Variants in CFAP69 observed in about 807,000 individuals in gnomAD.
CFAP69 encodes cilia and flagella associated protein 69.
CFAP69 carries 92 observed loss-of-function variants against 123.0 expected under a neutral mutation model. That is an observed-to-expected ratio of 0.75 (90% confidence interval 0.63 to 0.89). CFAP69 has a LOEUF of 0.89. CFAP69 is among the 40% of genes least tolerant of loss of function. CFAP69 has a pLI of 0.00. For missense variants in CFAP69, 1,067 were observed against 1,096.9 expected (o/e 0.97, Z 0.39); for synonymous variants, 380 against 364.3 (o/e 1.04, Z -0.49).
At chr7:90,300,277 G>A (rs1792597692) in intron 17 of CFAP69, 3 of 948,564 alleles carry the variant, frequency 3.2e-6, no homozygotes, top group Non-Finnish European at 3.8e-6. Context: ...TTAAGAAATG[G>A]TATTTAATTA....
chr7:90,308,482 ATC>A (rs1305335657), intron 21 of CFAP69, among the ~76,000 whole-genome samples: 1 of 152,094 alleles, frequency 6.6e-6, no homozygotes, highest in Non-Finnish European at 1.5e-5. Context: ...TTTTTAAAAA[ATC>A]TCTCCTTCAT....
At chr7:90,274,533 G>C (rs1046462605) in intron 9 of CFAP69, among the ~76,000 whole-genome samples, 1 of 152,084 alleles carries the variant, frequency 6.6e-6, no homozygotes, top group Non-Finnish European at 1.5e-5. Flanking sequence ...ATTGAATATA[G>C]AACTCTAGGC....
chr7:90,283,552 T>C (rs183311684), intron 13 of CFAP69, among the ~76,000 whole-genome samples: 1 of 152,154 alleles, frequency 6.6e-6, no homozygotes, highest in Admixed American at 6.5e-5. Flanking sequence ...GGAAATTATG[T>C]GTATCATAGA....
intron 9 of CFAP69, 135 bp downstream of exon 9, chr7:90,274,245 C>A: frequency 9.5e-7 from 1 of 1,055,102 alleles, no homozygotes; most frequent in East Asian, 2.9e-5. Context: ...TGATGGTCAC[C>A]AGTGTGCTTA....
chr7:90,287,714 T>C (rs1054078331), intron 14 of CFAP69: 1 of 985,582 alleles, frequency 1.0e-6, no homozygotes, highest in Non-Finnish European at 1.2e-6. Flanking sequence ...TCTTGCTTAC[T>C]GGGAACCAGA....
chr7:90,307,919 A>C (rs1404173130), intron 21 of CFAP69, 65 bp downstream of exon 21: 6 of 1,015,388 alleles, frequency 5.9e-6, no homozygotes, highest in Non-Finnish European at 8.8e-6. Flanking sequence ...AGACTTTTTC[A>C]GGAACAAATA....
At chr7:90,310,024 A>T in intron 22 of CFAP69, 44 bp from the exon 23 acceptor site, 1 of 1,510,696 alleles carries the variant, frequency 6.6e-7, no homozygotes, top group Non-Finnish European at 9.0e-7. Flanking sequence ...CTTGTTGAAA[A>T]TTGTGTAAAT....
At position 90,282,896 on chromosome 7, in the gene CFAP69, G is replaced by T. The variant is rs371604187; in HGVS notation, c.1377G>T (p.Pro459=). 4 of 1,475,140 alleles carry T rather than the reference G, an allele frequency of 2.7e-6. No individual in the cohort carries two copies. Among genetic ancestry groups the T allele is most frequent in the Non-Finnish European group, 3.6e-6 (4 of 1,111,424 alleles). 91.4% of individuals were successfully genotyped at this position (1,475,140 alleles called of 1,614,324 possible). Residue 459 remains proline (P), a synonymous_variant, in exon 13 of 23, where the codon CCG becomes CCT. Transcript: ENST00000389297. ...AFLEWCESED[P]FFSHGNSFHG... ...ATTATCACTTTTTCTCCACAGATCCGTTTTTCAGTCATGGTAACAGTTTTC... is the reference window on the plus strand; with the variant it reads ...ATTATCACTTTTTCTCCACAGATCCTTTTTTCAGTCATGGTAACAGTTTTC...
At chr7:90,299,816 A>T in intron 16 of CFAP69, 51 bp from the exon 17 acceptor site, 1 of 1,384,090 alleles carries the variant, frequency 7.2e-7, no homozygotes, top group Non-Finnish European at 9.8e-7. Flanking sequence ...TGAAGACAAT[A>T]ATTCTTAATA....
In CFAP69 at chr7:90,304,728, A is replaced by C; in HGVS notation, c.2189-16A>C. 1 of 1,598,426 alleles carries C rather than the reference A, an allele frequency of 6.3e-7. No individual in the cohort carries two copies. Among genetic ancestry groups the C allele is most frequent in the Non-Finnish European group, 8.5e-7 (1 of 1,174,490 alleles). ...GCTCTGCTAAAGTAATTCTGTCTTT[A>C]TAAACTTTATTTTAGATTTTGAAAA... On this transcript the variant is annotated splice_polypyrimidine_tract_variant and intron_variant, in intron 18 of 22. Coordinates refer to ENST00000389297, the MANE Select transcript of CFAP69 (RefSeq NM_001039706.3).
intron 9 of CFAP69, among the ~76,000 whole-genome samples, chr7:90,276,582 A>G (rs548600923): frequency 2.6e-5 from 4 of 152,328 alleles, no homozygotes; most frequent in Admixed American, 2.6e-4. Context: ...GTGATTCTTC[A>G]GGGCTTTTCA....
At position 90,309,282 on chromosome 7, in the gene CFAP69, A is replaced by G. The variant is rs750603144; in HGVS notation, c.2570A>G (p.Glu857Gly). Residue 857 changes from glutamate (E) to glycine (G), a missense_variant, in exon 22 of 23, where the codon GAA (glutamate) becomes GGA (glycine). Glu to Gly is a moderately conservative substitution (Grantham distance 98, BLOSUM62 -2). Coordinates refer to ENST00000389297, the MANE Select transcript of CFAP69 (RefSeq NM_001039706.3). ...CCTCAGAAAGCAAAAAGCCTTCAAG[A>G]AAAAGCTATAGAAGCCTCCAGATAC... ...KTLKKAKSLQ[E>G]KAIEASRYHK... 15 of 1,549,790 alleles carry G rather than the reference A, an allele frequency of 9.7e-6. No homozygotes were observed. The highest frequency in any genetic ancestry group is 1.3e-5 in the Non-Finnish European group (15 of 1,151,424).
rs769361724 is a variant in CFAP69 at position 90,279,854 on chromosome 7, G to T, written c.1333G>T (p.Ala445Ser). ...IEEYMSCQGN[A>S]RVLAFLEWCE... ...AGAATACATGTCATGCCAGGGAAAT[G>T]CTCGAGTCCTTGCATTTCTAGAATG... Residue 445 changes from alanine to serine, a missense_variant, in exon 12 of 23, where the codon GCT becomes TCT. Ala to Ser is a moderately conservative substitution (Grantham distance 99, BLOSUM62 1). Transcript: ENST00000389297. 1 of 1,609,680 alleles carries T rather than the reference G, an allele frequency of 6.2e-7. No homozygotes were observed. The highest frequency in any genetic ancestry group is 8.5e-7 in the Non-Finnish European group (1 of 1,178,814).
intron 6 of CFAP69, chr7:90,270,313 C>A (rs958805463): frequency 1.9e-4 from 29 of 151,988 alleles, no homozygotes; most frequent in Non-Finnish European, 3.8e-4. Context: ...CTATTATGCA[C>A]ATAAAAATCA....
At chr7:90,278,465 A>G (rs953957062) in intron 11 of CFAP69, among the ~76,000 whole-genome samples, 1 of 152,108 alleles carries the variant, frequency 6.6e-6, no homozygotes, top group Non-Finnish European at 1.5e-5. Context: ...ACCTAAATGT[A>G]TTTTCCAAAA....
chr7:90,278,283 A>G (rs1788900502), intron 11 of CFAP69, among the ~76,000 whole-genome samples: 1 of 152,194 alleles, frequency 6.6e-6, no homozygotes, highest in African/African-American at 2.4e-5. Context: ...CTCAACTTCA[A>G]CATGGGGATA....
chr7:90,257,950 A>G, intron 2 of CFAP69, 148 bp from the exon 3 acceptor site: 1 of 595,826 alleles, frequency 1.7e-6, no homozygotes, highest in South Asian at 2.2e-5. Flanking sequence ...TCACTGTTTC[A>G]GAAAACATTT....
At chr7:90,289,676 C>T (rs757573641) in intron 15 of CFAP69, among the ~76,000 whole-genome samples, 3 of 152,068 alleles carry the variant, frequency 2.0e-5, no homozygotes, top group Non-Finnish European at 2.9e-5. Flanking sequence ...TTTTAGTGCC[C>T]TGTTTAAACA....
intron 15 of CFAP69, among the ~76,000 whole-genome samples, chr7:90,292,195 A>T (rs1010785289): frequency 6.6e-6 from 1 of 152,202 alleles, no homozygotes; most frequent in African/African-American, 2.4e-5. Flanking sequence ...ACTCTGTTCC[A>T]TAAGGAATCT....
Sources: allele counts gnomAD v4.1 joint callset (sites outside exome capture counted in the v4.1 genomes callset), GRCh38; gene constraint gnomAD v4.1.1; transcripts MANE v1.5; gene names NCBI Gene and HGNC (gene_info 2026-07-23, HGNC 2026-07-21).